NRG3: variants seen among roughly 807,000 people sequenced by gnomAD.
The protein encoded by NRG3 is pro-neuregulin-3, membrane-bound isoform.
Under a neutral mutation model 66.9 loss-of-function variants are expected in NRG3, and 31 were observed. That is an observed-to-expected ratio of 0.46 (90% CI 0.35 to 0.63). NRG3 has a LOEUF of 0.63. Among genes scored for constraint, NRG3 ranks in the 20% least tolerant of loss-of-function variants. The probability of loss-of-function intolerance (pLI) is 0.00; values close to 1 mark genes in which losing one functional copy is unlikely to be tolerated. For missense variants in NRG3, 910 were observed against 878.9 expected (o/e 1.04, Z -0.45); for synonymous variants, 393 against 359.4 (o/e 1.09, Z -1.06).
At chr10:82,764,805 A>T (rs2059457728) in intron 3 of NRG3, among the ~76,000 whole-genome samples, 1 of 152,188 alleles carries the variant, frequency 6.6e-6, no homozygotes, top group Non-Finnish European at 1.5e-5. Flanking sequence ...CAACTGTATG[A>T]TTAAAACTAT....
intron 1 of NRG3, among the ~76,000 whole-genome samples, chr10:81,996,131 TAG>T (rs1476348751): frequency 6.6e-6 from 1 of 152,214 alleles, no homozygotes; most frequent in East Asian, 1.9e-4. Context: ...AAATATCACA[TAG>T]TGTGTTAGCT....
chr10:82,572,914 CTT>C (rs1039435127), intron 2 of NRG3, among the ~76,000 whole-genome samples: 2 of 151,740 alleles, frequency 1.3e-5, no homozygotes, highest in African/African-American at 4.8e-5. Flanking sequence ...AAGAATTCTG[CTT>C]ATCTGGCATT....
At chr10:82,049,516 T>C (rs2063485243) in intron 1 of NRG3, among the ~76,000 whole-genome samples, 1 of 152,142 alleles carries the variant, frequency 6.6e-6, no homozygotes, top group African/African-American at 2.4e-5. Flanking sequence ...CAAAATTTTC[T>C]CTTAGCTCCT....
chr10:81,938,645 GCA>G (rs773342395), intron 1 of NRG3, among the ~76,000 whole-genome samples: 17,894 of 149,860 alleles, frequency 0.12, 1,454 homozygotes, highest in East Asian at 0.39. Context: ...GTGTGTGCAT[GCA>G]TGCATGCATG....
intron 4 of NRG3, among the ~76,000 whole-genome samples, chr10:82,932,754 T>C (rs1406702469): frequency 6.6e-6 from 1 of 152,132 alleles, no homozygotes; most frequent in Non-Finnish European, 1.5e-5. Context: ...GAAGTGCAGC[T>C]CTGTTACATT....
intron 1 of NRG3, among the ~76,000 whole-genome samples, chr10:82,267,064 A>G (rs2078337323): frequency 6.6e-6 from 1 of 152,140 alleles, no homozygotes; most frequent in Non-Finnish European, 1.5e-5. Flanking sequence ...AGTGTTTTTC[A>G]AAAGTTTCCT....
chr10:82,736,386 T>G (rs942813000), intron 2 of NRG3, among the ~76,000 whole-genome samples: 2 of 152,206 alleles, frequency 1.3e-5, no homozygotes, highest in Admixed American at 6.5e-5. Context: ...GACATATGTG[T>G]GATTTTTAAT....
intron 2 of NRG3, among the ~76,000 whole-genome samples, chr10:82,459,270 G>A (rs560216300): frequency 2.0e-5 from 3 of 152,162 alleles, no homozygotes; most frequent in Admixed American, 1.3e-4. Context: ...ATTGCTGTAG[G>A]CTGAGGGCCC....
chr10:82,054,344 C>T (rs2063736624), intron 1 of NRG3, among the ~76,000 whole-genome samples: 1 of 152,018 alleles, frequency 6.6e-6, no homozygotes, highest in Non-Finnish European at 1.5e-5. Flanking sequence ...GTGGAAGTGA[C>T]AGGATTTGCT....
At chr10:82,303,046 G>A (rs2080496929) in intron 1 of NRG3, among the ~76,000 whole-genome samples, 1 of 152,020 alleles carries the variant, frequency 6.6e-6, no homozygotes, top group Non-Finnish European at 1.5e-5. Flanking sequence ...CACTTTTCTA[G>A]CATTAATAAT....
chr10:82,645,247 G>T (rs919706068), intron 2 of NRG3, among the ~76,000 whole-genome samples: 2 of 152,096 alleles, frequency 1.3e-5, no homozygotes, highest in Non-Finnish European at 2.9e-5. Flanking sequence ...AGCACCCAAG[G>T]TCTGTCATAG....
intron 1 of NRG3, among the ~76,000 whole-genome samples, chr10:81,924,926 A>G (rs1405114754): frequency 1.3e-5 from 2 of 152,122 alleles, no homozygotes; most frequent in Non-Finnish European, 2.9e-5. Context: ...GTATATTTGC[A>G]GGTGAAAGAG....
At chr10:81,913,469 G>A (rs1026610295) in intron 1 of NRG3, among the ~76,000 whole-genome samples, 3 of 151,718 alleles carry the variant, frequency 2.0e-5, no homozygotes, top group African/African-American at 7.3e-5. Context: ...TGCTTTCCAG[G>A]CTGGAGTGCA....
chr10:82,017,657 T>A (rs1380832330), intron 1 of NRG3, among the ~76,000 whole-genome samples: 1 of 152,190 alleles, frequency 6.6e-6, no homozygotes, highest in Non-Finnish European at 1.5e-5. Flanking sequence ...GGTATCTCAT[T>A]GTGGTTTTGA....
intron 2 of NRG3, among the ~76,000 whole-genome samples, chr10:82,592,692 G>T (rs1299903066): frequency 6.6e-6 from 1 of 152,144 alleles, no homozygotes; most frequent in Non-Finnish European, 1.5e-5. Flanking sequence ...AGCTATCTAT[G>T]CTGCTGACTC....
intron 1 of NRG3, among the ~76,000 whole-genome samples, chr10:82,117,422 C>A (rs963222712): frequency 2.0e-5 from 3 of 152,124 alleles, no homozygotes; most frequent in African/African-American, 7.2e-5. Flanking sequence ...ACTTCCAATC[C>A]CTCTCAGATG....
At chr10:82,818,249 T>G (rs992306111) in intron 3 of NRG3, among the ~76,000 whole-genome samples, 2 of 152,182 alleles carry the variant, frequency 1.3e-5, no homozygotes, top group Admixed American at 6.5e-5. Context: ...GAGTGTCTTA[T>G]GCTGATGGGC....
intron 1 of NRG3, among the ~76,000 whole-genome samples, chr10:82,202,741 T>G (rs972280936): frequency 6.6e-6 from 1 of 152,132 alleles, no homozygotes; most frequent in African/African-American, 2.4e-5. Context: ...TTGAGGTTTT[T>G]TTTGTGTGTG....
At chr10:82,070,536 G>T (rs561846403) in intron 1 of NRG3, among the ~76,000 whole-genome samples, 2 of 152,186 alleles carry the variant, frequency 1.3e-5, no homozygotes, top group East Asian at 3.9e-4. Flanking sequence ...AATGTTAAAT[G>T]TTATTGTGTC....
Sources: allele counts gnomAD v4.1 joint callset (sites outside exome capture counted in the v4.1 genomes callset), GRCh38; gene constraint gnomAD v4.1.1; transcripts MANE v1.5; gene names NCBI Gene and HGNC (gene_info 2026-07-23, HGNC 2026-07-21).